Variants in FAM98C observed in about 807,000 individuals in gnomAD.
FAM98C encodes protein FAM98C.
A neutral mutation model predicts 41.1 loss-of-function variants in FAM98C; 38 were observed. The ratio of observed to expected loss-of-function variants is 0.92; its 90% CI spans 0.71 to 1.21. The LOEUF (loss-of-function observed/expected upper bound fraction) is 1.21. FAM98C is among the 50% of genes most tolerant of loss of function. The pLI is 0.00. For missense variants in FAM98C, 493 were observed against 484.7 expected (o/e 1.02, Z -0.16); for synonymous variants, 195 against 216.7 (o/e 0.90, Z 0.88).
At chr19:38,406,834 G>A in intron 6 of FAM98C, 76 bp from the exon 7 acceptor site, 1 of 1,475,060 alleles carries the variant, frequency 6.8e-7, no homozygotes, top group Non-Finnish European at 9.4e-7. Context: ...GAATGGTAAA[G>A]TAATGCTTCC....
Position 38,407,052 on chromosome 19 carries a change from G to A in FAM98C, c.893G>A (p.Arg298Lys). ...LVPATSVAVR[R>K]GTCCAINKVL... ...CCAGCCACCAGCGTGGCTGTCCGCA[G>A]AGGGACCTGCTGTGCCATCAACAAG... The change falls in exon 7 of 8, where the codon AGA becomes AAA. Residue 298 changes from arginine to lysine, a missense_variant. Physicochemically the swap from Arg to Lys is conservative, Grantham distance 26 (BLOSUM62 2). Transcript: ENST00000252530. The A allele has an allele frequency of 1.2e-6, 2 of 1,614,070 alleles. No homozygotes were observed. Among genetic ancestry groups the A allele is most frequent in the Non-Finnish European group, 1.7e-6 (2 of 1,180,026 alleles).
Position 38,405,507 on chromosome 19 carries a change from C to G in FAM98C, c.634-12C>G, listed in dbSNP as rs372620728. ...GGGACCCCTAGCCTGACCTTGAGAC[C>G]TTTTCTCCCAGGAAGCGTTGGAGTC... On this transcript the variant is annotated splice_polypyrimidine_tract_variant and intron_variant, in intron 5 of 7. Transcript: ENST00000252530. 6 of 1,614,054 alleles carry G rather than the reference C, an allele frequency of 3.7e-6. No individual in the cohort carries two copies. In the African/African-American group the frequency reaches 4.0e-5, roughly 11 times the overall value.
Position 38,403,545 on chromosome 19 carries a change from C to T in FAM98C, c.215-15C>T, listed in dbSNP as rs1485332389. The T allele has an allele frequency of 2.0e-6, 3 of 1,484,984 alleles. No homozygotes were observed. Among genetic ancestry groups the T allele is most frequent in the Non-Finnish European group, 2.7e-6 (3 of 1,126,528 alleles). 92.0% of individuals were successfully genotyped at this position (1,484,984 alleles called of 1,614,324 possible). A position where few individuals can be genotyped will look rare whatever the true frequency, so the allele number is the denominator to read the frequency against. On this transcript the variant is annotated splice_polypyrimidine_tract_variant and intron_variant, in intron 2 of 7. Transcript: ENST00000252530. ...GCCACGGGGCCACCGAGCCCTGACA[C>T]CCCTGTCCTCGCAGGCCCTGGCGCG...
chr19:38,403,228 T>C lies in FAM98C; in HGVS notation c.65+10T>C. The C allele has an allele frequency of 1.3e-6, 2 of 1,559,456 alleles. No homozygotes were observed. The highest frequency in any genetic ancestry group is 1.7e-4 in the Middle Eastern group (1 of 5,940). Reference sequence around the variant, plus strand: ...ACCTGCTGGCTCTGGGGTAAAAGGGTGTGCGGTGAGGCTGGTGGGTGCAGG... The same window carrying C: ...ACCTGCTGGCTCTGGGGTAAAAGGGCGTGCGGTGAGGCTGGTGGGTGCAGG... On this transcript the variant is annotated intron_variant, in intron 1 of 7. Coordinates refer to ENST00000252530, the MANE Select transcript of FAM98C (RefSeq NM_174905.4).
intron 3 of FAM98C, among the ~76,000 whole-genome samples, 170 bp downstream of exon 3, chr19:38,403,864 G>T (rs1483133243): frequency 6.6e-6 from 1 of 152,132 alleles, no homozygotes; most frequent in Non-Finnish European, 1.5e-5. Context: ...GCTCTAAAAT[G>T]GGCGGGGGTA....
In FAM98C at chr19:38,406,946, A is replaced by G. The variant is rs1971047588; in HGVS notation, c.787A>G (p.Ile263Val). The change falls in exon 7 of 8, where the codon ATT (isoleucine) becomes GTT (valine). Residue 263 changes from isoleucine to valine, a missense_variant. Coordinates refer to ENST00000252530, the MANE Select transcript of FAM98C (RefSeq NM_174905.4). Reference sequence around the variant, plus strand: ...GGCCATGAGGGCAGTGCTGATCCCAATTCGAGAGGTTCTGACCCCAGAATC... The same window carrying G: ...GGCCATGAGGGCAGTGCTGATCCCAGTTCGAGAGGTTCTGACCCCAGAATC... ...GEAMRAVLIP[I>V]REVLTPESDI... 2.5e-6 allele frequency: 4 copies of G among 1,614,090 alleles called. No individual in the cohort carries two copies. Among genetic ancestry groups the G allele is most frequent in the Non-Finnish European group, 3.4e-6 (4 of 1,180,012 alleles).
chr19:38,403,428 G>T lies in FAM98C; in HGVS notation c.156G>T (p.Thr52=). Residue 52 remains threonine (T), a synonymous_variant, in exon 2 of 8, where the codon ACG becomes ACT. Transcript: ENST00000252530. ...TGCGGCTGGCGGCGGAGCTGGCGACGCTGGGCGCCCTCGAGCAGCAGCGAG... is the reference window on the plus strand; with the variant it reads ...TGCGGCTGGCGGCGGAGCTGGCGACTCTGGGCGCCCTCGAGCAGCAGCGAG... ...LCVRLAAELA[T]LGALEQQREA... is the part of the protein sequence containing the mutation. The T allele has an allele frequency of 7.0e-7, 1 of 1,424,830 alleles. No homozygotes were observed. The highest frequency in any genetic ancestry group is 1.5e-5 in the South Asian group (1 of 68,858). The allele number at this position is 1,424,830 out of a possible 1,614,324, so 88.3% of individuals were successfully genotyped here. A position where few individuals can be genotyped will look rare whatever the true frequency, so the allele number is the denominator to read the frequency against.
Position 38,408,826 on chromosome 19 carries a change from C to G in FAM98C, c.994C>G (p.Arg332Gly). Residue 332 changes from arginine (R) to glycine (G), a missense_variant, in exon 8 of 8, where the codon CGA (arginine) becomes GGA (glycine). Physicochemically the swap from Arg to Gly is moderately radical, Grantham distance 125 (BLOSUM62 -2). Coordinates refer to ENST00000252530, the MANE Select transcript of FAM98C (RefSeq NM_174905.4). ...GCCTCCCATGCCCACCTGGAGGAGCCGAAGAGAGGATGGAGGCCCCCAGTG... is the reference window on the plus strand; with the variant it reads ...GCCTCCCATGCCCACCTGGAGGAGCGGAAGAGAGGATGGAGGCCCCCAGTG... Reference protein sequence around the residue: ...LEPPMPTWRSRREDGGPQCWG... With the variant: ...LEPPMPTWRSGREDGGPQCWG... 1 of 1,607,904 alleles carries G rather than the reference C, an allele frequency of 6.2e-7. No homozygotes were observed. Among genetic ancestry groups the G allele is most frequent in the Non-Finnish European group, 8.5e-7 (1 of 1,177,794 alleles).
Position 38,408,794 on chromosome 19 carries a change from AGCTGGAGCCTCCCAT to A in FAM98C, c.965_979del (p.Leu322_Met326del). ...CCAGACCGGGGGGGCCGCCCAAATG[AGCTGGAGCCTCCCAT>A]GCCCACCTGGAGGAGCCGAAGAGAG... On this transcript the variant is annotated inframe_deletion, in exon 8 of 8. Coordinates refer to ENST00000252530, the MANE Select transcript of FAM98C (RefSeq NM_174905.4). 1 of 1,613,686 alleles carries A rather than the reference AGCTGGAGCCTCCCAT, an allele frequency of 6.2e-7. No homozygotes were observed. Among genetic ancestry groups the A allele is most frequent in the Non-Finnish European group, 8.5e-7 (1 of 1,179,882 alleles).
In FAM98C at chr19:38,403,404, G is replaced by A; in HGVS notation, c.132G>A (p.Val44=). 1 of 1,441,700 alleles carries A rather than the reference G, an allele frequency of 6.9e-7. No individual in the cohort carries two copies. The highest frequency in any genetic ancestry group is 9.0e-7 in the Non-Finnish European group (1 of 1,109,548). 89.3% of individuals were successfully genotyped at this position (1,441,700 alleles called of 1,614,324 possible). ...ASCPDFRGLC[V]RLAAELATLG... ...GCCCAGACTTCAGGGGGCTGTGCGT[G>A]CGGCTGGCGGCGGAGCTGGCGACGC... The change falls in exon 2 of 8, where the codon GTG becomes GTA. Residue 44 remains valine (V), a synonymous_variant. Transcript: ENST00000252530.
chr19:38,404,680 A>G (rs1971013427), intron 3 of FAM98C: 2 of 477,782 alleles, frequency 4.2e-6, no homozygotes, highest in East Asian at 8.4e-5. Flanking sequence ...ACAAGCACTC[A>G]CCACTATGTC....
chr19:38,408,051 T>C (rs1303971444), intron 7 of FAM98C: 1 of 152,008 alleles, frequency 6.6e-6, no homozygotes, highest in Non-Finnish European at 1.5e-5. Flanking sequence ...TCTAGCCGCA[T>C]GCCTCTGTAA....
intron 7 of FAM98C, 67 bp downstream of exon 7, chr19:38,407,144 T>A: frequency 1.3e-6 from 2 of 1,571,046 alleles, no homozygotes; most frequent in Non-Finnish European, 1.7e-6. Flanking sequence ...CAGCCTCTGC[T>A]CCAGTCCAAG....
rs1027753656 is a variant in FAM98C, at chr19:38,403,175, G to T, written c.22G>T (p.Ala8Ser). 1.3e-6 allele frequency: 2 copies of T among 1,533,728 alleles called. No homozygotes were observed. The highest frequency in any genetic ancestry group is 1.7e-6 in the Non-Finnish European group (2 of 1,152,728). Residue 8 changes from alanine to serine, a missense_variant, in exon 1 of 8, where the codon GCG becomes TCG. By Grantham distance (99) the Ala-to-Ser change is moderately conservative (BLOSUM62 1). Coordinates refer to ENST00000252530, the MANE Select transcript of FAM98C (RefSeq NM_174905.4). MEAVKAE[A>S]WEGAAVAQDL... ...TTTCATGGAGGCGGTGAAGGCGGAAGCGTGGGAGGGGGCCGCGGTGGCCCA... is the reference window on the plus strand; with the variant it reads ...TTTCATGGAGGCGGTGAAGGCGGAATCGTGGGAGGGGGCCGCGGTGGCCCA...
chr19:38,406,784 A>T, intron 6 of FAM98C, 126 bp from the exon 7 acceptor site: 4 of 1,061,110 alleles, frequency 3.8e-6, no homozygotes, highest in Non-Finnish European at 5.4e-6. Context: ...CCCTGTCTCA[A>T]AAAATAAATA....
intron 1 of FAM98C, 30 bp downstream of exon 1, chr19:38,403,248 T>G: frequency 1.3e-6 from 2 of 1,554,596 alleles, no homozygotes; most frequent in Non-Finnish European, 1.7e-6. Flanking sequence ...GGCTGGTGGG[T>G]GCAGGAAGGC....
rs373413614 is a variant in FAM98C, at chr19:38,404,969, G to A, written c.411G>A (p.Pro137=). ...TGTGCCTCCGCTCTCTGCTGGATCCGAGTCCTAGGCCACCCCTTGGTGAAG... is the reference window on the plus strand; with the variant it reads ...TGTGCCTCCGCTCTCTGCTGGATCCAAGTCCTAGGCCACCCCTTGGTGAAG... ...RLLCLRSLLD[P]SPRPPLGEGV... Residue 137 remains proline (P), a synonymous_variant, in exon 4 of 8, where the codon CCG becomes CCA. Coordinates refer to ENST00000252530, the MANE Select transcript of FAM98C (RefSeq NM_174905.4). The A allele has an allele frequency of 3.7e-6, 6 of 1,614,008 alleles. No individual in the cohort carries two copies. The highest frequency in any genetic ancestry group is 1.3e-5 in the African/African-American group (1 of 74,884).
Position 38,405,077 on chromosome 19 carries a change from C to G in FAM98C, c.519C>G (p.Thr173=), listed in dbSNP as rs373599906. 39 of 1,611,016 alleles carry G rather than the reference C, an allele frequency of 2.4e-5. No homozygotes were observed. Among genetic ancestry groups the G allele is most frequent in the Non-Finnish European group, 3.2e-5 (38 of 1,177,834 alleles). ...ALGLPRPAPG[T]PASQLLQELH... ...GGCTGCCCAGACCTGCACCAGGGACCCCCGCCAGCCAGCTGCTGCAGGAGT... is the reference window on the plus strand; with the variant it reads ...GGCTGCCCAGACCTGCACCAGGGACGCCCGCCAGCCAGCTGCTGCAGGAGT... The change falls in exon 4 of 8, where the codon ACC becomes ACG. Residue 173 remains threonine (T), a synonymous_variant. Transcript: ENST00000252530.
chr19:38,403,479 C>A lies in FAM98C; in HGVS notation c.207C>A (p.Ala69=). 2 of 1,405,950 alleles carry A rather than the reference C, an allele frequency of 1.4e-6. No individual in the cohort carries two copies. Among genetic ancestry groups the A allele is most frequent in the Non-Finnish European group, 1.8e-6 (2 of 1,090,862 alleles). 87.1% of individuals were successfully genotyped at this position (1,405,950 alleles called of 1,614,324 possible). The change falls in exon 2 of 8, where the codon GCC becomes GCA. Residue 69 remains alanine (A), a synonymous_variant. Coordinates refer to ENST00000252530, the MANE Select transcript of FAM98C (RefSeq NM_174905.4). The stretch of plus-strand genomic sequence containing the variant: ...AGGCGGGCGCGGAGGTGCTGAGCGC[C>A]GGCGACGGTAAACACGGAGCGGGAG... The part of the protein sequence containing the change: ...QREAGAEVLS[A]GDGPGAEEDF...
Sources: allele counts gnomAD v4.1 joint callset (sites outside exome capture counted in the v4.1 genomes callset), GRCh38; gene constraint gnomAD v4.1.1; transcripts MANE v1.5; gene names NCBI Gene and HGNC (gene_info 2026-07-23, HGNC 2026-07-21).